Variants in SHC3 observed in about 807,000 individuals in gnomAD.
SHC3 encodes SHC-transforming protein 3.
Under a neutral mutation model 60.4 loss-of-function variants are expected in SHC3, and 15 were observed. The ratio of observed to expected loss-of-function variants is 0.25; its 90% CI spans 0.17 to 0.38. SHC3 has a LOEUF of 0.38. Ranked by LOEUF, SHC3 falls within the 10% of genes least tolerant of loss-of-function variation. SHC3 has a pLI of 1.00. For synonymous variants in SHC3, 294 were observed against 325.9 expected (o/e 0.90, Z 1.05); for missense variants, 677 against 786.1 (o/e 0.86, Z 1.66).
At chr9:89,109,280 A>C in intron 2 of SHC3, 1 of 747,540 alleles carries the variant, frequency 1.3e-6, no homozygotes, top group Non-Finnish European at 1.6e-6. Context: ...CAGAGGATGC[A>C]TGGGTGAAGG....
Position 89,010,762 on chromosome 9 carries a change from G to A in SHC3, c.*2685C>T, listed in dbSNP as rs973717727. ...CAGAGATGTGGCCTGAGAAAGTGTG[G>A]GGAAGAGGGGCCCAGGCTAGACAGG... On this transcript the variant is annotated 3_prime_UTR_variant, in exon 12 of 12. Coordinates refer to ENST00000375835, the MANE Select transcript of SHC3 (RefSeq NM_016848.6). The A allele has an allele frequency of 1.3e-5, 2 of 152,614 alleles. No individual in the cohort carries two copies. Among genetic ancestry groups the A allele is most frequent in the Admixed American group, 6.5e-5 (1 of 15,286 alleles). 9.5% of individuals were successfully genotyped at this position (152,614 alleles called of 1,614,324 possible).
At chr9:89,026,437 C>T (rs554706966) in intron 11 of SHC3, among the ~76,000 whole-genome samples, 6 of 152,102 alleles carry the variant, frequency 3.9e-5, no homozygotes, top group Non-Finnish European at 7.4e-5. Context: ...CAACCAATTG[C>T]CAATCAGAAA....
intron 2 of SHC3, chr9:89,110,474 A>G: frequency 7.1e-6 from 7 of 984,026 alleles, no homozygotes; most frequent in Non-Finnish European, 7.2e-6. Context: ...GGTATGTTGA[A>G]CACTTAGTTA....
At chr9:89,170,037 G>C (rs999098833) in intron 1 of SHC3, among the ~76,000 whole-genome samples, 2 of 152,080 alleles carry the variant, frequency 1.3e-5, no homozygotes, top group African/African-American at 2.4e-5. Flanking sequence ...TTCTCCTGCT[G>C]CCAGTTTTTA....
chr9:89,099,943 A>G (rs1427357279), intron 2 of SHC3, among the ~76,000 whole-genome samples: 1 of 152,104 alleles, frequency 6.6e-6, no homozygotes, highest in Non-Finnish European at 1.5e-5. Context: ...AGACATAGTT[A>G]TTTTCTCTGA....
rs546658204 is a variant in SHC3, at chr9:89,013,370, G to A, written c.*77C>T. ...CTCTGAGCCACAGGCAGCTGTCCCA[G>A]TTCCAGCAGCCCCGATTCTAGTCCA... On this transcript the variant is annotated 3_prime_UTR_variant, in exon 12 of 12. Transcript: ENST00000375835. The A allele has an allele frequency of 1.4e-6, 2 of 1,395,636 alleles. No homozygotes were observed. The highest frequency in any genetic ancestry group is 2.6e-5 in the East Asian group (1 of 38,988). The allele number at this position is 1,395,636 out of a possible 1,614,324, so 86.5% of individuals were successfully genotyped here.
chr9:89,162,776 C>G (rs2118246228), intron 1 of SHC3, among the ~76,000 whole-genome samples: 1 of 148,944 alleles, frequency 6.7e-6, no homozygotes, highest in Non-Finnish European at 1.5e-5. Flanking sequence ...TTCTGCACAG[C>G]AAAAGAAACT....
chr9:89,109,280 A>T lies in SHC3; in HGVS notation c.545+3276T>A, dbSNP rs544114479. On this transcript the variant is annotated intron_variant, in intron 2 of 11. Coordinates refer to ENST00000375835, the MANE Select transcript of SHC3 (RefSeq NM_016848.6). ...GAGGTAGAGGGGTCGCAGAGGATGCATGGGTGAAGGGGGTCCCTCCTCCGG... is the reference window on the plus strand; with the variant it reads ...GAGGTAGAGGGGTCGCAGAGGATGCTTGGGTGAAGGGGGTCCCTCCTCCGG... The T allele has an allele frequency of 6.7e-6, 5 of 747,540 alleles. No individual in the cohort carries two copies. In the African/African-American group the frequency reaches 7.6e-5, roughly 11 times the overall value. The allele number at this position is 747,540 out of a possible 1,614,324, so 46.3% of individuals were successfully genotyped here.
At chr9:89,165,523 A>T (rs997450005) in intron 1 of SHC3, among the ~76,000 whole-genome samples, 9 of 82,112 alleles carry the variant, frequency 1.1e-4, no homozygotes, top group Non-Finnish European at 7.4e-5. Flanking sequence ...GCAATCATCA[A>T]GGCAAAAAAA....
intron 2 of SHC3, among the ~76,000 whole-genome samples, chr9:89,101,180 A>G (rs1215869672): frequency 6.6e-6 from 1 of 152,092 alleles, no homozygotes; most frequent in Non-Finnish European, 1.5e-5. Context: ...GCTATTGTAA[A>G]TGGTTAGTTT....
At chr9:89,134,656 C>A (rs1381055312) in intron 1 of SHC3, among the ~76,000 whole-genome samples, 2 of 152,032 alleles carry the variant, frequency 1.3e-5, no homozygotes, top group African/African-American at 4.8e-5. Flanking sequence ...CATCCACAGA[C>A]AATTGTTTTC....
chr9:89,094,478 C>G (rs926555662), intron 2 of SHC3, among the ~76,000 whole-genome samples: 1 of 152,192 alleles, frequency 6.6e-6, no homozygotes, highest in South Asian at 2.1e-4. Context: ...AAGATGATGA[C>G]TCAATGACAT....
chr9:89,044,543 A>G (rs1369400991), intron 9 of SHC3, among the ~76,000 whole-genome samples: 2 of 152,244 alleles, frequency 1.3e-5, no homozygotes, highest in African/African-American at 2.4e-5. Context: ...TCCCCTTCAG[A>G]TCTTATAGAC....
chr9:89,138,636 C>T (rs995870398), intron 1 of SHC3, among the ~76,000 whole-genome samples: 23 of 152,204 alleles, frequency 1.5e-4, no homozygotes, highest in African/African-American at 4.3e-4. Flanking sequence ...GGGAATCCAG[C>T]CTAGCAGGTT....
chr9:89,071,163 C>T, intron 5 of SHC3, 36 bp downstream of exon 5: 1 of 1,607,910 alleles, frequency 6.2e-7, no homozygotes, highest in Non-Finnish European at 8.5e-7. Flanking sequence ...CAGAAATTCC[C>T]AACAAGAGCA....
At chr9:89,044,033 G>A (rs895935651) in intron 9 of SHC3, among the ~76,000 whole-genome samples, 1 of 152,122 alleles carries the variant, frequency 6.6e-6, no homozygotes, top group Non-Finnish European at 1.5e-5. Context: ...TTCATTCTGC[G>A]ACATCATCTG....
intron 3 of SHC3, among the ~76,000 whole-genome samples, chr9:89,077,247 T>A (rs1381621182): frequency 6.6e-6 from 1 of 152,166 alleles, no homozygotes. Flanking sequence ...CTAATTCTTT[T>A]GCTGCATTAA....
At chr9:89,058,320 G>A (rs1824989963) in intron 6 of SHC3, among the ~76,000 whole-genome samples, 1 of 151,726 alleles carries the variant, frequency 6.6e-6, no homozygotes, top group Admixed American at 6.6e-5. Context: ...TGGTGGTGGA[G>A]GACATGGTGG....
intron 1 of SHC3, among the ~76,000 whole-genome samples, chr9:89,138,284 G>A (rs1826346694): frequency 6.6e-6 from 1 of 152,252 alleles, no homozygotes; most frequent in Non-Finnish European, 1.5e-5. Context: ...AGGAATAAGA[G>A]AATGGCTACT....
Sources: gnomAD v4.1 joint callset for allele counts (sites outside exome capture counted in the v4.1 genomes callset) on GRCh38, gnomAD v4.1.1 for gene constraint, MANE v1.5 for transcripts, NCBI Gene and HGNC (gene_info 2026-07-23, HGNC 2026-07-21) for gene names.